Variants in DENND1B observed in about 807,000 individuals in gnomAD.
The protein encoded by DENND1B is DENN domain containing 1B.
A neutral mutation model predicts 90.1 loss-of-function variants in DENND1B; 59 were observed. The observed-to-expected ratio is 0.65, with a 90% CI of 0.53 to 0.81. DENND1B has a LOEUF of 0.81. Among genes scored for constraint, DENND1B ranks in the 40% least tolerant of loss-of-function variants. DENND1B has a pLI of 0.00. For synonymous variants in DENND1B, 337 were observed against 324.6 expected (o/e 1.04, Z -0.41); for missense variants, 862 against 912.6 (o/e 0.94, Z 0.71).
At chr1:197,749,966 C>A (rs911424691) in intron 2 of DENND1B, among the ~76,000 whole-genome samples, 1 of 152,082 alleles carries the variant, frequency 6.6e-6, no homozygotes, top group African/African-American at 2.4e-5. Context: ...TTCCCCTAAG[C>A]CTCCAGAGTA....
intron 1 of DENND1B, among the ~76,000 whole-genome samples, chr1:197,773,798 T>C (rs772818624): frequency 6.6e-6 from 1 of 152,224 alleles, no homozygotes; most frequent in Non-Finnish European, 1.5e-5. Context: ...AAATCTCTCG[T>C]TCCATCATAA....
chr1:197,677,418 C>T (rs1487454670), intron 3 of DENND1B, among the ~76,000 whole-genome samples: 4 of 152,108 alleles, frequency 2.6e-5, no homozygotes, highest in East Asian at 1.9e-4. Context: ...CTTTTACTTA[C>T]GGTCCTTATC....
chr1:197,513,060 A>G, intron 20 of DENND1B, 107 bp from the exon 21 acceptor site: 1 of 817,160 alleles, frequency 1.2e-6, no homozygotes, highest in Non-Finnish European at 1.9e-6. Context: ...TTTGCAAGAA[A>G]TATGCATTCA....
intron 20 of DENND1B, 31 bp from the exon 21 acceptor site, chr1:197,512,984 T>C (rs1219673315): frequency 6.4e-7 from 1 of 1,572,316 alleles, no homozygotes. Flanking sequence ...TAAATTGGCA[T>C]TAGCAGTTTA....
chr1:197,728,260 T>C (rs1661832969), intron 2 of DENND1B, among the ~76,000 whole-genome samples: 1 of 152,214 alleles, frequency 6.6e-6, no homozygotes, highest in South Asian at 2.1e-4. Context: ...CAAATCTTTC[T>C]GTAAAGAAAT....
At chr1:197,675,119 G>T (rs1328789455) in intron 3 of DENND1B, among the ~76,000 whole-genome samples, 5 of 152,074 alleles carry the variant, frequency 3.3e-5, no homozygotes, top group African/African-American at 1.2e-4. Context: ...ACAAGACAAA[G>T]AATTTTATAA....
chr1:197,589,368 T>C (rs1674983943), intron 14 of DENND1B, among the ~76,000 whole-genome samples: 2 of 152,150 alleles, frequency 1.3e-5, no homozygotes, highest in African/African-American at 4.8e-5. Context: ...ACAACTTTTA[T>C]CCATTAAAAA....
intron 10 of DENND1B, among the ~76,000 whole-genome samples, chr1:197,640,919 C>G (rs937547558): frequency 6.6e-6 from 1 of 152,106 alleles, no homozygotes; most frequent in African/African-American, 2.4e-5. Flanking sequence ...CCAGCCTGGG[C>G]AACATAGCAA....
chr1:197,672,002 T>C, intron 5 of DENND1B, 35 bp downstream of exon 5: 1 of 1,599,002 alleles, frequency 6.3e-7, no homozygotes, highest in Non-Finnish European at 8.5e-7. Context: ...TAGTTACCTA[T>C]TTTGCATCTA....
chr1:197,686,455 TGAG>T (rs1431677595), intron 3 of DENND1B, among the ~76,000 whole-genome samples: 1 of 152,184 alleles, frequency 6.6e-6, no homozygotes, highest in Non-Finnish European at 1.5e-5. Flanking sequence ...ATTTTGCTAC[TGAG>T]TTTTCTCAGC....
At chr1:197,752,207 A>G (rs1653655802) in intron 2 of DENND1B, among the ~76,000 whole-genome samples, 4 of 152,048 alleles carry the variant, frequency 2.6e-5, no homozygotes. Context: ...AAGGGGGCTT[A>G]TCACTGCAGA....
intron 18 of DENND1B, among the ~76,000 whole-genome samples, chr1:197,541,880 C>T (rs932052843): frequency 1.3e-5 from 2 of 152,274 alleles, no homozygotes; most frequent in East Asian, 3.9e-4. Flanking sequence ...TAACTATCCT[C>T]GAATCCACTT....
intron 20 of DENND1B, among the ~76,000 whole-genome samples, chr1:197,513,344 C>A (rs1415150175): frequency 6.6e-6 from 1 of 151,568 alleles, no homozygotes. Flanking sequence ...TTATCCCCAG[C>A]CCACACTCTC....
intron 15 of DENND1B, among the ~76,000 whole-genome samples, chr1:197,566,002 C>A (rs1176832422): frequency 1.3e-5 from 2 of 151,696 alleles, no homozygotes; most frequent in African/African-American, 4.9e-5. Flanking sequence ...TGGGTATATA[C>A]CCAGTAATGG....
rs753909022 is a variant in DENND1B at position 197,510,612 on chromosome 1, A to C, written c.2176T>G (p.Phe726Val). ...TTCCCTTCTTTCTCCCAAGGAACAA[A>C]AGTCGATGAATGCCGCCCAAGACCG... ...IPGLGRHSST[F>V]VPWEKEGKEA... Residue 726 changes from phenylalanine (F) to valine (V), a missense_variant, in exon 23 of 23, where the codon TTT becomes GTT. Phe to Val is a conservative substitution (Grantham distance 50). Coordinates refer to ENST00000620048, the MANE Select transcript of DENND1B (RefSeq NM_001195215.2). 13 of 1,612,790 alleles carry C rather than the reference A, an allele frequency of 8.1e-6. No individual in the cohort carries two copies. The highest frequency in any genetic ancestry group is 1.1e-5 in the Non-Finnish European group (13 of 1,179,228).
intron 10 of DENND1B, among the ~76,000 whole-genome samples, chr1:197,634,486 G>A (rs918584398): frequency 2.6e-5 from 4 of 152,122 alleles, no homozygotes; most frequent in Admixed American, 6.6e-5. Context: ...AGGACTATAT[G>A]AAGACCAAAG....
At chr1:197,604,545 T>C (rs1161999780) in intron 13 of DENND1B, among the ~76,000 whole-genome samples, 1 of 151,228 alleles carries the variant, frequency 6.6e-6, no homozygotes. Context: ...CCAAGACCAC[T>C]GGTCAATCTG....
intron 12 of DENND1B, among the ~76,000 whole-genome samples, chr1:197,607,979 A>G (rs560473234): frequency 6.6e-6 from 1 of 150,788 alleles, no homozygotes; most frequent in South Asian, 2.1e-4. Flanking sequence ...AAATAGTATT[A>G]TTCCTTAATA....
chr1:197,697,136 G>A (rs1268380359), intron 3 of DENND1B, among the ~76,000 whole-genome samples: 2 of 149,964 alleles, frequency 1.3e-5, no homozygotes, highest in Non-Finnish European at 3.0e-5. Context: ...CAGGGATAGT[G>A]TGTGAAGGAA....
Sources: gnomAD v4.1 joint callset for allele counts (sites outside exome capture counted in the v4.1 genomes callset) on GRCh38, gnomAD v4.1.1 for gene constraint, MANE v1.5 for transcripts, NCBI Gene and HGNC (gene_info 2026-07-23, HGNC 2026-07-21) for gene names.